SLC30A6: variants seen among roughly 807,000 people sequenced by gnomAD.
The protein encoded by SLC30A6 is zinc transporter 6.
Under a neutral mutation model 63.0 loss-of-function variants are expected in SLC30A6, and 55 were observed. That is an observed-to-expected ratio of 0.87 (90% CI 0.70 to 1.09). The LOEUF (loss-of-function observed/expected upper bound fraction) is 1.09. Ranked by LOEUF, SLC30A6 falls within the 50% of genes least tolerant of loss-of-function variation. The probability of loss-of-function intolerance (pLI) is 0.00; values close to 1 mark genes in which losing one functional copy is unlikely to be tolerated. For missense variants in SLC30A6, 587 were observed against 549.2 expected (o/e 1.07, Z -0.69); for synonymous variants, 224 against 186.1 (o/e 1.20, Z -1.66).
chr2:32,178,580 G>A (rs1191613681), intron 4 of SLC30A6, among the ~76,000 whole-genome samples: 2 of 152,196 alleles, frequency 1.3e-5, no homozygotes, highest in African/African-American at 4.8e-5. Context: ...GGCTGAGGCA[G>A]GAGAATCGCT....
chr2:32,203,243 G>C, intron 10 of SLC30A6: 1 of 992,164 alleles, frequency 1.0e-6, no homozygotes, highest in Middle Eastern at 2.9e-4. Context: ...CACAGGTAGA[G>C]CTGGACAGAC....
chr2:32,168,077 T>A (rs1680841747), intron 1 of SLC30A6, among the ~76,000 whole-genome samples: 1 of 152,234 alleles, frequency 6.6e-6, no homozygotes, highest in African/African-American at 2.4e-5. Context: ...TGGCACTATA[T>A]CTTTATGCTT....
intron 13 of SLC30A6, among the ~76,000 whole-genome samples, chr2:32,219,180 C>T (rs1397676619): frequency 2.0e-5 from 3 of 151,806 alleles, no homozygotes; most frequent in Non-Finnish European, 2.9e-5. Flanking sequence ...ATTATAGGCA[C>T]ATGTCACCAC....
intron 5 of SLC30A6, among the ~76,000 whole-genome samples, chr2:32,185,044 A>G (rs543464200): frequency 5.3e-5 from 8 of 152,334 alleles, no homozygotes; most frequent in Admixed American, 2.6e-4. Flanking sequence ...TGTGATAGCA[A>G]TAGATCAACA....
At chr2:32,203,727 G>C in intron 10 of SLC30A6, 2 of 1,527,228 alleles carry the variant, frequency 1.3e-6, no homozygotes, top group Non-Finnish European at 1.8e-6. Context: ...AGTCAGAAAG[G>C]TTACAGGCAG....
intron 10 of SLC30A6, among the ~76,000 whole-genome samples, chr2:32,200,865 TCC>T (rs1050589131): frequency 2.6e-5 from 4 of 151,450 alleles, no homozygotes; most frequent in African/African-American, 9.7e-5. Context: ...AATAAAACCC[TCC>T]CCTTTGCATA....
chr2:32,174,336 T>G (rs1416016002), intron 3 of SLC30A6, among the ~76,000 whole-genome samples, 189 bp downstream of exon 3: 1 of 152,084 alleles, frequency 6.6e-6, no homozygotes, highest in Non-Finnish European at 1.5e-5. Flanking sequence ...GATTGTAATT[T>G]TTTTTTAAGT....
chr2:32,218,448 C>A (rs1685890133), intron 13 of SLC30A6, among the ~76,000 whole-genome samples: 1 of 151,458 alleles, frequency 6.6e-6, no homozygotes, highest in Non-Finnish European at 1.5e-5. Context: ...CCTTCCATTA[C>A]TACCTCTGGA....
intron 1 of SLC30A6, among the ~76,000 whole-genome samples, chr2:32,169,272 G>A (rs985284769): frequency 2.6e-5 from 4 of 152,040 alleles, no homozygotes; most frequent in Admixed American, 6.6e-5. Flanking sequence ...GGGCTCATGC[G>A]ATCCTTCCAC....
intron 8 of SLC30A6, among the ~76,000 whole-genome samples, chr2:32,195,590 A>T (rs1683718405): frequency 6.6e-6 from 1 of 151,548 alleles, no homozygotes; most frequent in African/African-American, 2.4e-5. Context: ...CCCGAGAAGG[A>T]ATTATTTACT....
chr2:32,170,973 AG>A, intron 1 of SLC30A6, among the ~76,000 whole-genome samples: 1 of 152,174 alleles, frequency 6.6e-6, no homozygotes, highest in Non-Finnish European at 1.5e-5. Flanking sequence ...TTTCTTTTTC[AG>A]TTCAAGTTGC....
At position 32,209,555 on chromosome 2, in the gene SLC30A6, C is replaced by T. The variant is rs200488280; in HGVS notation, c.879C>T (p.Gly293=). ...RNEHFWTLGF[G]SLAGSVHVRI... is the part of the protein sequence containing the mutation. ...AACATTTTTGGACCCTAGGTTTTGG[C>T]TCATTGGTATGTTCTTTTACATATG... The change falls in exon 13 of 14, where the codon GGC becomes GGT. Residue 293 remains glycine (G), a synonymous_variant. Coordinates refer to ENST00000282587, the MANE Select transcript of SLC30A6 (RefSeq NM_017964.5). 1.2e-6 allele frequency: 2 copies of T among 1,611,446 alleles called. No homozygotes were observed. The highest frequency in any genetic ancestry group is 1.3e-5 in the African/African-American group (1 of 74,846).
chr2:32,183,279 G>A (rs1682504185), intron 4 of SLC30A6, among the ~76,000 whole-genome samples: 1 of 152,036 alleles, frequency 6.6e-6, no homozygotes, highest in Non-Finnish European at 1.5e-5. Context: ...TGTGAGCTAG[G>A]GAGACAGACT....
intron 12 of SLC30A6, among the ~76,000 whole-genome samples, chr2:32,208,290 C>T (rs1385018157): frequency 6.6e-6 from 1 of 151,928 alleles, no homozygotes. Context: ...ACCACCATGC[C>T]TGGCTAATTT....
At chr2:32,187,482 C>G (rs974889056) in intron 5 of SLC30A6, among the ~76,000 whole-genome samples, 1 of 152,150 alleles carries the variant, frequency 6.6e-6, no homozygotes, top group African/African-American at 2.4e-5. Context: ...TTTTGGCTCA[C>G]TTGCTTAGAG....
chr2:32,193,513 G>T (rs1477025682), intron 7 of SLC30A6, among the ~76,000 whole-genome samples: 2 of 152,096 alleles, frequency 1.3e-5, no homozygotes, highest in African/African-American at 4.8e-5. Flanking sequence ...AAAAACAATT[G>T]TATTTCTCAA....
At chr2:32,201,770 T>C (rs1684314188) in intron 10 of SLC30A6, 2 of 1,359,024 alleles carry the variant, frequency 1.5e-6, no homozygotes, top group Admixed American at 1.9e-5. Context: ...TTAAACAAGA[T>C]AAGCTGAAAA....
rs1684585953 is a variant in SLC30A6, at chr2:32,204,647, C to T, written c.723C>T (p.Gly241=). The T allele has an allele frequency of 1.2e-6, 2 of 1,612,886 alleles. No individual in the cohort carries two copies. The highest frequency in any genetic ancestry group is 1.7e-6 in the Non-Finnish European group (2 of 1,179,352). ...SAIAIALMTF[G]TMYPMSVYSG... Reference sequence around the variant, plus strand: ...TAGCTATTGCCTTGATGACATTTGGCACTATGTATCCCATGAGTGTGTACA... The same window carrying T: ...TAGCTATTGCCTTGATGACATTTGGTACTATGTATCCCATGAGTGTGTACA... Residue 241 remains glycine, a synonymous_variant, in exon 11 of 14, where the codon GGC becomes GGT. Transcript: ENST00000282587.
chr2:32,190,111 T>A (rs545022804), intron 5 of SLC30A6, among the ~76,000 whole-genome samples: 6 of 152,296 alleles, frequency 3.9e-5, no homozygotes, highest in Admixed American at 3.9e-4. Context: ...ATAAGTATCT[T>A]CTCCTTCTTA....
Sources: gnomAD v4.1 joint callset for allele counts (sites outside exome capture counted in the v4.1 genomes callset) on GRCh38, gnomAD v4.1.1 for gene constraint, MANE v1.5 for transcripts, NCBI Gene and HGNC (gene_info 2026-07-23, HGNC 2026-07-21) for gene names.